Variants in NCAPG2 observed in about 807,000 individuals in gnomAD.
NCAPG2 encodes the protein condensin-2 complex subunit G2.
NCAPG2 carries 53 observed loss-of-function variants against 141.1 expected under a neutral mutation model. The ratio of observed to expected loss-of-function variants is 0.38; its 90% CI spans 0.30 to 0.47. The LOEUF is 0.47. Among genes scored for constraint, NCAPG2 ranks in the 20% least tolerant of loss-of-function variants. NCAPG2 has a pLI of 0.99. For missense variants in NCAPG2, 1,087 were observed against 1,389.0 expected, an observed-to-expected ratio of 0.78 and a Z score of 3.46; for synonymous variants, 499 against 490.7, an observed-to-expected ratio of 1.02 and a Z score of -0.22.
rs1430139268 is a variant in NCAPG2 at position 158,633,792 on chromosome 7, C to G, written c.3381-2075G>C. Among the ~76,000 whole-genome samples the G allele has an allele frequency of 6.6e-6, 1 of 152,058 alleles. No homozygotes were observed. The highest frequency in any genetic ancestry group is 2.4e-5 in the African/African-American group (1 of 41,380). On this transcript the variant is annotated intron_variant, in intron 27 of 27. Coordinates refer to ENST00000356309, the MANE Select transcript of NCAPG2 (RefSeq NM_017760.7). The surrounding 1 kb of genome is among the most constrained non-coding windows in gnomAD (Gnocchi z 4.1). ...TTGAGACAGGGTCACGCTCTGTCAC[C>G]CAGGCTGAAGTGCAGCAGTGAGGTC... is the stretch of plus-strand genomic sequence containing the variant.
intron 27 of NCAPG2, 58 bp downstream of exon 27, chr7:158,644,231 A>T: frequency 7.2e-7 from 1 of 1,398,068 alleles, no homozygotes. Flanking sequence ...CCTCATGCAG[A>T]TCCAAAGAAG....
At chr7:158,648,134 T>A (rs181439507) in intron 24 of NCAPG2, among the ~76,000 whole-genome samples, 1 of 152,316 alleles carries the variant, frequency 6.6e-6, no homozygotes, top group Admixed American at 6.5e-5. Context: ...TAAATGCATT[T>A]CTTAAACAGT....
intron 9 of NCAPG2, among the ~76,000 whole-genome samples, chr7:158,682,201 C>T (rs1834489892): frequency 6.6e-6 from 1 of 152,076 alleles, no homozygotes; most frequent in Admixed American, 6.6e-5. Context: ...ATATAAACTA[C>T]ACATATAGTT....
intron 2 of NCAPG2, among the ~76,000 whole-genome samples, chr7:158,693,763 T>C (rs1290982447): frequency 6.6e-6 from 1 of 152,170 alleles, no homozygotes; most frequent in Non-Finnish European, 1.5e-5. Flanking sequence ...ACCATCTCCA[T>C]ACCTAGAATT....
intron 6 of NCAPG2, among the ~76,000 whole-genome samples, chr7:158,689,386 G>T (rs1352793111): frequency 6.6e-6 from 1 of 152,126 alleles, no homozygotes; most frequent in African/African-American, 2.4e-5. Flanking sequence ...TTGACCCCAG[G>T]ACGGGCAGTG....
chr7:158,697,026 G>A (rs1835491345), intron 2 of NCAPG2, among the ~76,000 whole-genome samples: 1 of 152,204 alleles, frequency 6.6e-6, no homozygotes, highest in African/African-American at 2.4e-5. Flanking sequence ...TAATGTTGGT[G>A]TAAACAAACC....
intron 27 of NCAPG2, among the ~76,000 whole-genome samples, chr7:158,636,937 T>C (rs1305682007): frequency 6.6e-6 from 1 of 151,396 alleles, no homozygotes; most frequent in Non-Finnish European, 1.5e-5. Flanking sequence ...GTCTATTGGG[T>C]TTCCTCTTCT....
intron 27 of NCAPG2, among the ~76,000 whole-genome samples, chr7:158,637,055 C>T (rs1830259417): frequency 6.6e-6 from 1 of 151,634 alleles, no homozygotes; most frequent in Non-Finnish European, 1.5e-5. Flanking sequence ...TCATGCCATT[C>T]TCCTGCCTCA....
At chr7:158,660,099 A>C (rs1281794745) in intron 16 of NCAPG2, among the ~76,000 whole-genome samples, 1 of 147,772 alleles carries the variant, frequency 6.8e-6, no homozygotes, top group Non-Finnish European at 1.5e-5. Context: ...CAGAGCGAGA[A>C]AAAAAAAAAA....
chr7:158,637,149 G>A (rs964772101), intron 27 of NCAPG2, among the ~76,000 whole-genome samples: 34 of 152,030 alleles, frequency 2.2e-4, no homozygotes, highest in Non-Finnish European at 3.8e-4. Flanking sequence ...GGGTTTCACC[G>A]TGTTAGCCAG....
chr7:158,673,551 C>T (rs1242613428), intron 12 of NCAPG2, among the ~76,000 whole-genome samples: 1 of 152,222 alleles, frequency 6.6e-6, no homozygotes, highest in Admixed American at 6.5e-5. Flanking sequence ...CAGGCTGTGT[C>T]ACGGCTTAAT....
rs1457937373 is a variant in NCAPG2, at chr7:158,701,950, C to T, written c.-39-12G>A. 2 of 1,416,794 alleles carry T rather than the reference C, an allele frequency of 1.4e-6. No individual in the cohort carries two copies. The highest frequency in any genetic ancestry group is 2.9e-5 in the African/African-American group (2 of 69,540). 87.8% of individuals were successfully genotyped at this position (1,416,794 alleles called of 1,614,324 possible). Reference sequence around the variant, plus strand: ...TTTATTTTGTAACCCTAATGGAAAACACAATCATACTGAAACACTTGCAAA... The same window carrying T: ...TTTATTTTGTAACCCTAATGGAAAATACAATCATACTGAAACACTTGCAAA... On this transcript the variant is annotated splice_polypyrimidine_tract_variant and intron_variant, in intron 1 of 27. Coordinates refer to ENST00000356309, the MANE Select transcript of NCAPG2 (RefSeq NM_017760.7).
At position 158,687,379 on chromosome 7, in the gene NCAPG2, T is replaced by C; in HGVS notation, c.736A>G (p.Thr246Ala). ...NINFIKMIHG[T>A]IKNQLQGLQK... is the part of the protein sequence containing the mutation. ...AATCCCTGTAACTGGTTTTTAATGGTCCCGTGGATCATTTTGATGAAGTTG... is the reference window on the plus strand; with the variant it reads ...AATCCCTGTAACTGGTTTTTAATGGCCCCGTGGATCATTTTGATGAAGTTG... The change falls in exon 7 of 28, where the codon ACC becomes GCC. Residue 246 changes from threonine (T) to alanine (A), a missense_variant. Transcript: ENST00000356309. 3.1e-6 allele frequency: 5 copies of C among 1,611,360 alleles called. No homozygotes were observed. The highest frequency in any genetic ancestry group is 4.2e-6 in the Non-Finnish European group (5 of 1,178,710).
Position 158,689,969 on chromosome 7 carries a change from A to T in NCAPG2, c.538-16T>A. On this transcript the variant is annotated splice_polypyrimidine_tract_variant and intron_variant, in intron 5 of 27. Transcript: ENST00000356309. ...CGTCTGCACCCTAGGAATGACACAAAAAATGTGATACCTTTTTCAATGAAC... is the reference window on the plus strand; with the variant it reads ...CGTCTGCACCCTAGGAATGACACAATAAATGTGATACCTTTTTCAATGAAC... The T allele has an allele frequency of 1.4e-6, 2 of 1,480,308 alleles. No homozygotes were observed. The highest frequency in any genetic ancestry group is 1.8e-6 in the Non-Finnish European group (2 of 1,117,098). The allele number at this position is 1,480,308 out of a possible 1,614,324, so 91.7% of individuals were successfully genotyped here. A position where few individuals can be genotyped will look rare whatever the true frequency, so the allele number is the denominator to read the frequency against.
intron 24 of NCAPG2, among the ~76,000 whole-genome samples, chr7:158,648,388 G>T (rs934956439): frequency 2.6e-5 from 4 of 151,010 alleles, no homozygotes; most frequent in African/African-American, 9.7e-5. Flanking sequence ...AAAAGTGACA[G>T]GAAAGAAAAA....
At chr7:158,694,484 C>A (rs906286895) in intron 2 of NCAPG2, among the ~76,000 whole-genome samples, 3 of 152,184 alleles carry the variant, frequency 2.0e-5, no homozygotes, top group Non-Finnish European at 4.4e-5. Flanking sequence ...CTGGCGGACA[C>A]CTACCCACAC....
Position 158,692,960 on chromosome 7 carries a change from T to G in NCAPG2, c.268-4A>C. On this transcript the variant is annotated splice_polypyrimidine_tract_variant and splice_region_variant and intron_variant, in intron 3 of 27. Coordinates refer to ENST00000356309, the MANE Select transcript of NCAPG2 (RefSeq NM_017760.7). Reference sequence around the variant, plus strand: ...AAATTATTTCTATGCTTTTTCTCTATAAATGAAAAATCAAAGCATGAGTGA... The same window carrying G: ...AAATTATTTCTATGCTTTTTCTCTAGAAATGAAAAATCAAAGCATGAGTGA... 1 of 1,500,094 alleles carries G rather than the reference T, an allele frequency of 6.7e-7. No homozygotes were observed. The highest frequency in any genetic ancestry group is 9.1e-7 in the Non-Finnish European group (1 of 1,094,478). 92.9% of individuals were successfully genotyped at this position (1,500,094 alleles called of 1,614,324 possible).
At chr7:158,675,239 A>G (rs1260373293) in intron 12 of NCAPG2, among the ~76,000 whole-genome samples, 3 of 152,234 alleles carry the variant, frequency 2.0e-5, no homozygotes, top group Non-Finnish European at 4.4e-5. Context: ...AATAAATTCA[A>G]CAGTACTGGG....
chr7:158,669,708 G>T lies in NCAPG2; in HGVS notation c.1479+1806C>A, dbSNP rs187538118. 1.0e-4 allele frequency among the ~76,000 whole-genome samples: 14 copies of T among 134,922 alleles called. No individual in the cohort carries two copies. The East Asian group carries it at 3.0e-3, about 29-fold the overall frequency. 88.5% of individuals were successfully genotyped at this position (134,922 alleles called of 152,430 possible). ...CACTTGAAGCTGGGAGGCGGAGGTTGCAGTAAGGCAAGATTGTGCCATTGC... is the reference window on the plus strand; with the variant it reads ...CACTTGAAGCTGGGAGGCGGAGGTTTCAGTAAGGCAAGATTGTGCCATTGC... On this transcript the variant is annotated intron_variant, in intron 13 of 27. Transcript: ENST00000356309.
Sources: allele counts gnomAD v4.1 joint callset (sites outside exome capture counted in the v4.1 genomes callset), GRCh38; gene constraint gnomAD v4.1.1; non-coding constraint Gnocchi (gnomAD v3.1); transcripts MANE v1.5; gene names NCBI Gene and HGNC (gene_info 2026-07-23, HGNC 2026-07-21).